Variants in RANBP2 observed in about 807,000 individuals in gnomAD.
RANBP2 encodes RAN binding protein 2.
Under a neutral mutation model 303.6 loss-of-function variants are expected in RANBP2, and 57 were observed. That is an observed-to-expected ratio of 0.19 (90% CI 0.15 to 0.23). RANBP2 has a LOEUF of 0.23. Ranked by LOEUF, RANBP2 falls within the 10% of genes least tolerant of loss-of-function variation. The pLI is 1.00. For missense variants in RANBP2, 3,138 were observed against 3,780.8 expected (o/e 0.83, Z 4.46); for synonymous variants, 1,167 against 1,301.5 (o/e 0.90, Z 2.23).
the RANBP2 span, among the ~76,000 whole-genome samples, chr2:109,097,175 G>A: frequency 4.6e-5 from 7 of 152,184 alleles, no homozygotes; most frequent in South Asian, 2.1e-4. Context: ...GTGGTGGCAC[G>A]TGCCTGTAGT....
At chr2:108,906,568 T>G in the RANBP2 span, among the ~76,000 whole-genome samples, 2 of 152,218 alleles carry the variant, frequency 1.3e-5, no homozygotes, top group South Asian at 2.1e-4. Flanking sequence ...ATTTTTGGGG[T>G]CTACCACGGG....
chr2:109,105,633 C>T, the RANBP2 span, among the ~76,000 whole-genome samples: 1 of 152,188 alleles, frequency 6.6e-6, no homozygotes, highest in African/African-American at 2.4e-5. Flanking sequence ...CAGCTCACTG[C>T]AACCTCTGCC....
the RANBP2 span, among the ~76,000 whole-genome samples, chr2:109,005,844 A>C: frequency 5.9e-5 from 9 of 152,248 alleles, no homozygotes; most frequent in African/African-American, 1.9e-4. Flanking sequence ...TTCACATTTC[A>C]ACAGCTGACG....
the RANBP2 span, among the ~76,000 whole-genome samples, chr2:108,948,287 T>C: frequency 9.2e-5 from 14 of 152,230 alleles, no homozygotes; most frequent in African/African-American, 3.4e-4. Flanking sequence ...TCAAAATCAT[T>C]CAACAAGTCT....
At chr2:108,969,165 ATG>A in the RANBP2 span, among the ~76,000 whole-genome samples, 62 of 151,892 alleles carry the variant, frequency 4.1e-4, no homozygotes, top group African/African-American at 1.4e-3. Context: ...CCTCTGCTCT[ATG>A]GCTGGTCTTG....
At chr2:109,430,615 G>T in the RANBP2 span, among the ~76,000 whole-genome samples, 5 of 152,020 alleles carry the variant, frequency 3.3e-5, no homozygotes, top group Admixed American at 1.3e-4. Flanking sequence ...CAATACACAG[G>T]TACGTGTTGG....
chr2:108,997,480 G>A, the RANBP2 span, among the ~76,000 whole-genome samples: 125 of 136,304 alleles, frequency 9.2e-4, 3 homozygotes, highest in Non-Finnish European at 3.9e-4. Flanking sequence ...GGTCAGTAAG[G>A]GTTTAGAAAT....
chr2:109,606,783 G>A, the RANBP2 span, among the ~76,000 whole-genome samples: 3 of 139,622 alleles, frequency 2.1e-5, no homozygotes, highest in Non-Finnish European at 3.0e-5. Context: ...AGGTTCAAGC[G>A]ATTCTCCTGC....
the RANBP2 span, among the ~76,000 whole-genome samples, chr2:109,566,589 T>C: frequency 5.3e-5 from 8 of 152,182 alleles, no homozygotes; most frequent in African/African-American, 1.9e-4. Flanking sequence ...TGTATAGATA[T>C]GGTACTAATA....
chr2:108,794,714 A>C, the RANBP2 span: 2 of 1,609,424 alleles, frequency 1.2e-6, no homozygotes, highest in Non-Finnish European at 1.7e-6. Flanking sequence ...ATACATCTGA[A>C]ATTGCAGGTA....
the RANBP2 span, among the ~76,000 whole-genome samples, chr2:109,473,208 C>T: frequency 1.3e-5 from 2 of 152,052 alleles, no homozygotes; most frequent in Non-Finnish European, 1.5e-5. Flanking sequence ...CCTAGACATA[C>T]GAGCGCCTCA....
the RANBP2 span, among the ~76,000 whole-genome samples, chr2:109,726,404 A>G: frequency 2.0e-5 from 3 of 151,868 alleles, no homozygotes; most frequent in Non-Finnish European, 4.4e-5. Context: ...GCCAGATCCT[A>G]TCTCAATAAA....
At chr2:109,337,098 C>T in the RANBP2 span, among the ~76,000 whole-genome samples, 2 of 152,206 alleles carry the variant, frequency 1.3e-5, no homozygotes, top group Non-Finnish European at 2.9e-5. Context: ...AAATTCAGGA[C>T]TTGTAGTTTT....
chr2:108,794,559 G>C, the RANBP2 span: 14 of 1,609,550 alleles, frequency 8.7e-6, no homozygotes, highest in African/African-American at 1.7e-4. Flanking sequence ...CAACTAATAC[G>C]ACCTCATCGA....
At chr2:109,279,928 G>A in the RANBP2 span, among the ~76,000 whole-genome samples, 3 of 151,982 alleles carry the variant, frequency 2.0e-5, no homozygotes, top group Non-Finnish European at 2.9e-5. Context: ...ATTGGGGGGC[G>A]GTAAGAGGTG....
the RANBP2 span, among the ~76,000 whole-genome samples, chr2:109,188,781 T>G: frequency 6.6e-6 from 1 of 152,162 alleles, no homozygotes; most frequent in East Asian, 1.9e-4. Context: ...CGTTACACTT[T>G]GGTTATTTAT....
At chr2:109,026,311 A>G in the RANBP2 span, among the ~76,000 whole-genome samples, 1,377 of 5,026 alleles carry the variant, frequency 0.27, 22 homozygotes, top group Non-Finnish European at 0.4. Flanking sequence ...TTTTTTTTTT[A>G]AGAGATGGGG....
the RANBP2 span, among the ~76,000 whole-genome samples, chr2:109,195,876 C>T: frequency 1.3e-5 from 2 of 152,170 alleles, no homozygotes; most frequent in African/African-American, 4.8e-5. Context: ...TGGAAGGTCT[C>T]TCGAATTTCC....
chr2:109,029,054 G>T, the RANBP2 span, among the ~76,000 whole-genome samples: 1 of 151,860 alleles, frequency 6.6e-6, no homozygotes, highest in East Asian at 1.9e-4. Context: ...TAAAGTGCTG[G>T]GATTACAGGC....
Sources: allele counts gnomAD v4.1 joint callset (sites outside exome capture counted in the v4.1 genomes callset), GRCh38; gene constraint gnomAD v4.1.1; transcripts MANE v1.5; gene names NCBI Gene and HGNC (gene_info 2026-07-23, HGNC 2026-07-21).